ARHGEF10: variants seen among roughly 807,000 people sequenced by gnomAD.
The protein encoded by ARHGEF10 is Rho guanine nucleotide exchange factor 10.
In ARHGEF10, 140 loss-of-function variants were observed where a neutral mutation model predicts 147.4. The ratio of observed to expected loss-of-function variants is 0.95; its 90% confidence interval spans 0.83 to 1.09. ARHGEF10 has a LOEUF of 1.09. Among genes scored for constraint, ARHGEF10 ranks in the 50% least tolerant of loss-of-function variants. The pLI is 0.00. For missense variants in ARHGEF10, 2,222 were observed against 1,752.7 expected, an observed-to-expected ratio of 1.27 and a Z score of -4.78; for synonymous variants, 902 against 695.8, an observed-to-expected ratio of 1.30 and a Z score of -4.67.
chr8:1,931,903 AG>A (rs1813180279), intron 25 of ARHGEF10, among the ~76,000 whole-genome samples: 2 of 152,234 alleles, frequency 1.3e-5, no homozygotes, highest in Admixed American at 6.5e-5. Flanking sequence ...AGGTGCTCAG[AG>A]AACAAAGTTC....
At chr8:1,900,240 G>A (rs886129458) in intron 15 of ARHGEF10, among the ~76,000 whole-genome samples, 16 of 152,150 alleles carry the variant, frequency 1.1e-4, no homozygotes, top group South Asian at 2.1e-4. Context: ...GAAGGGGTGG[G>A]CGGGCTGCTG....
Position 1,843,417 on chromosome 8 carries a change from C to A in ARHGEF10, c.18C>A (p.Pro6=), listed in dbSNP as rs759588299. ...GCTGCAGCATGGACCAGCGAGAGCC[C>A]CTGCCTCCCGCTCCTGCAGGTAACA... The part of the protein sequence containing the change: MDQRE[P]LPPAPAENEM... The change falls in exon 2 of 29, where the codon CCC becomes CCA. Residue 6 remains proline, a synonymous_variant. Coordinates refer to ENST00000349830, the MANE Select transcript of ARHGEF10 (RefSeq NM_014629.4). The A allele has an allele frequency of 3.7e-6, 6 of 1,613,142 alleles. No homozygotes were observed. The East Asian group carries it at 1.3e-4, about 36-fold the overall frequency.
chr8:1,946,328 G>C (rs1814587680), intron 27 of ARHGEF10, among the ~76,000 whole-genome samples: 2 of 152,234 alleles, frequency 1.3e-5, no homozygotes, highest in South Asian at 4.1e-4. Context: ...CATGAAGTAA[G>C]GGCTCTGCCT....
chr8:1,893,690 C>G lies in ARHGEF10; in HGVS notation c.1260+44C>G, dbSNP rs539832727. ...ACATAATACATACATTTCTATTATT[C>G]TTTTTTACCTATATACATTTTGATC... is the stretch of plus-strand genomic sequence containing the variant. On this transcript the variant is annotated intron_variant, in intron 12 of 28. Transcript: ENST00000349830. The G allele has an allele frequency of 4.3e-5, 58 of 1,361,838 alleles. 1 individual carries two copies. In the South Asian group the frequency reaches 6.4e-4, roughly 15 times the overall value. The allele number at this position is 1,361,838 out of a possible 1,614,324, so 84.4% of individuals were successfully genotyped here.
intron 7 of ARHGEF10, among the ~76,000 whole-genome samples, chr8:1,873,233 C>T (rs1463815641): frequency 6.6e-6 from 1 of 152,312 alleles, no homozygotes; most frequent in African/African-American, 2.4e-5. Flanking sequence ...AGCTGTTGTG[C>T]GGACCGGGAG....
intron 1 of ARHGEF10, among the ~76,000 whole-genome samples, chr8:1,828,954 G>A (rs1323978231): frequency 6.6e-6 from 1 of 152,212 alleles, no homozygotes; most frequent in Non-Finnish European, 1.5e-5. Flanking sequence ...TTTCTGTAAG[G>A]AACATGAGAA....
chr8:1,909,419 C>G lies in ARHGEF10; in HGVS notation c.2092C>G (p.Leu698Val), dbSNP rs141968995. 114 of 1,614,146 alleles carry G rather than the reference C, an allele frequency of 7.1e-5. No individual in the cohort carries two copies. The highest frequency in any genetic ancestry group is 8.9e-5 in the Non-Finnish European group (105 of 1,180,046). ...AGGCACGGGCGAGCACAGCAGGCAC[C>G]TTGCCGTTCACCCGCCGGAGAGCCT... ...SAGTGEHSRH[L>V]AVHPPESLAV... The change falls in exon 18 of 29, where the codon CTT (leucine) becomes GTT (valine). Residue 698 changes from leucine (L) to valine (V), a missense_variant. Transcript: ENST00000349830.
At chr8:1,833,528 A>C (rs1244414861) in intron 1 of ARHGEF10, among the ~76,000 whole-genome samples, 2 of 152,184 alleles carry the variant, frequency 1.3e-5, no homozygotes. Flanking sequence ...ATCCGCCCCA[A>C]GCACGGCCCT....
intron 2 of ARHGEF10, among the ~76,000 whole-genome samples, chr8:1,847,529 C>A (rs1032046129): frequency 6.6e-6 from 1 of 152,118 alleles, no homozygotes; most frequent in East Asian, 1.9e-4. Flanking sequence ...CTGGTAACTT[C>A]CATAATGAGC....
At chr8:1,875,199 C>T (rs372729538) in intron 7 of ARHGEF10, among the ~76,000 whole-genome samples, 4 of 76,718 alleles carry the variant, frequency 5.2e-5, no homozygotes, top group Admixed American at 1.5e-4. Context: ...GGGGCTGTGT[C>T]GGGGATAGAG....
intron 6 of ARHGEF10, among the ~76,000 whole-genome samples, chr8:1,868,315 G>A (rs898702637): frequency 6.6e-6 from 1 of 152,158 alleles, no homozygotes; most frequent in Admixed American, 6.5e-5. Context: ...TGTCTTATGT[G>A]GCTGAGGAAG....
At chr8:1,924,193 C>T (rs966047575) in intron 21 of ARHGEF10, among the ~76,000 whole-genome samples, 3 of 150,098 alleles carry the variant, frequency 2.0e-5, no homozygotes, top group African/African-American at 4.8e-5. Context: ...TCAAGGCGGG[C>T]GGCGGGCGGC....
rs745635525 is a variant in ARHGEF10, at chr8:1,923,551, G to T, written c.2343G>T (p.Ala781=). Residue 781 remains alanine (A), a synonymous_variant, in exon 20 of 29, where the codon GCG becomes GCT. Coordinates refer to ENST00000349830, the MANE Select transcript of ARHGEF10 (RefSeq NM_014629.4). ...ILKKEDEIRA[A]DCCRIQLQLP... is the part of the protein sequence containing the mutation. ...AGAAAGAAGATGAAATCAGAGCTGC[G>T]GACTGCTGCAGAATTCAGTTACAGC... 40 of 1,613,938 alleles carry T rather than the reference G, an allele frequency of 2.5e-5. No individual in the cohort carries two copies. In the Admixed American group the frequency reaches 6.2e-4, roughly 25 times the overall value.
chr8:1,919,104 T>G (rs982094663), intron 18 of ARHGEF10, among the ~76,000 whole-genome samples: 2 of 147,126 alleles, frequency 1.4e-5, no homozygotes, highest in African/African-American at 5.1e-5. Flanking sequence ...CTTCCGTGGG[T>G]GATGGAGCTG....
chr8:1,835,549 G>A (rs1236925309), intron 1 of ARHGEF10, among the ~76,000 whole-genome samples: 3 of 152,202 alleles, frequency 2.0e-5, no homozygotes, highest in East Asian at 1.9e-4. Flanking sequence ...ATGCTAGCAC[G>A]CTCATGCCGT....
At chr8:1,827,320 T>G (rs1802829489) in intron 1 of ARHGEF10, among the ~76,000 whole-genome samples, 1 of 152,100 alleles carries the variant, frequency 6.6e-6, no homozygotes, top group Non-Finnish European at 1.5e-5. Context: ...AAAGTGATCT[T>G]TTTTTTTGAA....
intron 25 of ARHGEF10, 42 bp downstream of exon 25, chr8:1,929,485 C>T: frequency 6.4e-7 from 1 of 1,568,604 alleles, no homozygotes; most frequent in Non-Finnish European, 8.6e-7. Flanking sequence ...CCTTGGGGTT[C>T]ACTCAGGGGA....
chr8:1,918,041 G>C (rs1251214434), intron 18 of ARHGEF10, among the ~76,000 whole-genome samples: 1 of 152,050 alleles, frequency 6.6e-6, no homozygotes, highest in African/African-American at 2.4e-5. Flanking sequence ...ACCTACCTTG[G>C]CCTCCCAAAG....
chr8:1,855,033 C>T (rs1217920773), intron 2 of ARHGEF10, among the ~76,000 whole-genome samples: 1 of 152,084 alleles, frequency 6.6e-6, no homozygotes, highest in Non-Finnish European at 1.5e-5. Flanking sequence ...GGGCTGTTTC[C>T]TGCACACACG....
Sources: gnomAD v4.1 joint callset for allele counts (sites outside exome capture counted in the v4.1 genomes callset) on GRCh38, gnomAD v4.1.1 for gene constraint, MANE v1.5 for transcripts, NCBI Gene and HGNC (gene_info 2026-07-23, HGNC 2026-07-21) for gene names.